Variants in PRKCB observed in about 807,000 individuals in gnomAD.
PRKCB encodes the protein protein kinase C beta, also known as protein kinase C beta type.
Under a neutral mutation model 81.5 loss-of-function variants are expected in PRKCB, and 13 were observed. The observed-to-expected ratio is 0.16, with a 90% confidence interval of 0.10 to 0.25. The LOEUF (loss-of-function observed/expected upper bound fraction) is 0.25, where lower values mean the gene tolerates loss of function less well. PRKCB is among the 10% of genes least tolerant of loss of function. The probability of loss-of-function intolerance (pLI) is 1.00; values close to 1 mark genes in which losing one functional copy is unlikely to be tolerated. For missense variants in PRKCB, 509 were observed against 875.7 expected (o/e 0.58, Z 5.29); for synonymous variants, 335 against 321.4 (o/e 1.04, Z -0.45).
At chr16:24,085,149 GA>G (rs11444083) in intron 5 of PRKCB, among the ~76,000 whole-genome samples, 60 of 138,140 alleles carry the variant, frequency 4.3e-4, no homozygotes, top group Admixed American at 2.0e-3. Flanking sequence ...TTGATGAAAT[GA>G]AAAAAAAAAA....
intron 7 of PRKCB, among the ~76,000 whole-genome samples, chr16:24,103,260 G>A (rs377703839): frequency 7.2e-5 from 11 of 152,254 alleles, no homozygotes; most frequent in African/African-American, 2.6e-4. Context: ...TTCCTTGAGG[G>A]CCTGCAGTTG....
chr16:23,940,761 G>A (rs548772925), intron 2 of PRKCB, among the ~76,000 whole-genome samples: 7 of 152,178 alleles, frequency 4.6e-5, no homozygotes, highest in South Asian at 2.1e-4. Context: ...ATTATAAGAC[G>A]AGATGTGCTA....
Position 24,216,236 on chromosome 16 carries a change from G to A in PRKCB, c.*1420G>A. On this transcript the variant is annotated 3_prime_UTR_variant, in exon 17 of 17. Transcript: ENST00000643927. ...GGCCAGAGCCAACGAGGATACTGGA[G>A]CCCAAAGTCAAGTTTAGAGACCAGC... 1 of 985,456 alleles carries A rather than the reference G, an allele frequency of 1.0e-6. No individual in the cohort carries two copies. Among genetic ancestry groups the A allele is most frequent in the Non-Finnish European group, 1.2e-6 (1 of 829,958 alleles). The allele number at this position is 985,456 out of a possible 1,614,324, so 61.0% of individuals were successfully genotyped here.
chr16:24,156,605 G>A (rs1162623190), intron 10 of PRKCB, among the ~76,000 whole-genome samples: 2 of 152,160 alleles, frequency 1.3e-5, no homozygotes, highest in African/African-American at 4.8e-5. Context: ...ACTGTTTTGA[G>A]TGGAAGAAGA....
chr16:24,070,387 G>T (rs1311862851), intron 5 of PRKCB, among the ~76,000 whole-genome samples: 1 of 152,124 alleles, frequency 6.6e-6, no homozygotes, highest in African/African-American at 2.4e-5. Flanking sequence ...GACCTCAAGT[G>T]ATTCGCCTGC....
At chr16:23,985,786 T>A (rs895669601) in intron 2 of PRKCB, among the ~76,000 whole-genome samples, 2 of 152,134 alleles carry the variant, frequency 1.3e-5, no homozygotes, top group Non-Finnish European at 2.9e-5. Flanking sequence ...AAAATAAGGA[T>A]AATGAGGGTG....
In PRKCB at chr16:24,218,359, C is replaced by T; in HGVS notation, c.*3543C>T. On this transcript the variant is annotated 3_prime_UTR_variant, in exon 17 of 17. Coordinates refer to ENST00000643927, the MANE Select transcript of PRKCB (RefSeq NM_002738.7). Reference sequence around the variant, plus strand: ...TGGGGGATGGAAACTCCTATAGCACCCCACAGGCTAACAGCAAGCAGGACA... The same window carrying T: ...TGGGGGATGGAAACTCCTATAGCACTCCACAGGCTAACAGCAAGCAGGACA... 2 of 985,134 alleles carry T rather than the reference C, an allele frequency of 2.0e-6. No individual in the cohort carries two copies. Among genetic ancestry groups the T allele is most frequent in the Non-Finnish European group, 2.4e-6 (2 of 829,902 alleles). The allele number at this position is 985,134 out of a possible 1,614,324, so 61.0% of individuals were successfully genotyped here.
intron 11 of PRKCB, among the ~76,000 whole-genome samples, chr16:24,173,785 C>T (rs1967484503): frequency 6.6e-6 from 1 of 152,184 alleles, no homozygotes. Context: ...TCCAGCTGCG[C>T]CATTCATTCA....
At chr16:24,146,094 G>A (rs566847454) in intron 9 of PRKCB, among the ~76,000 whole-genome samples, 2 of 152,094 alleles carry the variant, frequency 1.3e-5, no homozygotes, top group African/African-American at 2.4e-5. Flanking sequence ...GGAGTGATGC[G>A]CTTAAAAGCC....
rs377159701 is a variant in PRKCB at position 23,938,924 on chromosome 16, A to G, written c.206-49584A>G. ...CATACAAAGAAAGAAATAAAACTGT[A>G]TTTATTTGCAAACGACATGCGTATC... On this transcript the variant is annotated intron_variant, in intron 2 of 16. Coordinates refer to ENST00000643927, the MANE Select transcript of PRKCB (RefSeq NM_002738.7). 2.0e-5 allele frequency among the ~76,000 whole-genome samples: 3 copies of G among 152,356 alleles called. No individual in the cohort carries two copies. In the South Asian group the frequency reaches 6.2e-4, roughly 32 times the overall value.
chr16:24,209,321 T>C (rs1968099127), intron 16 of PRKCB, among the ~76,000 whole-genome samples: 1 of 145,720 alleles, frequency 6.9e-6, no homozygotes, highest in Non-Finnish European at 1.5e-5. Context: ...CTTTCTACAG[T>C]CCTAAGCCAC....
chr16:24,091,357 T>C (rs1439143073), intron 5 of PRKCB, among the ~76,000 whole-genome samples: 2 of 152,242 alleles, frequency 1.3e-5, no homozygotes, highest in Non-Finnish European at 2.9e-5. Flanking sequence ...TTTTAGCAGA[T>C]AGTTAGAGTC....
intron 2 of PRKCB, among the ~76,000 whole-genome samples, chr16:23,888,311 T>C (rs557627147): frequency 4.9e-4 from 74 of 152,192 alleles, no homozygotes; most frequent in Non-Finnish European, 6.8e-4. Context: ...TTGGCTCAGC[T>C]AAAGGAAGCT....
intron 16 of PRKCB, among the ~76,000 whole-genome samples, chr16:24,193,572 C>T (rs1021536686): frequency 1.6e-4 from 25 of 152,094 alleles, no homozygotes; most frequent in Non-Finnish European, 2.9e-5. Context: ...ACCTCAGCCT[C>T]CCAAAGTACT....
At chr16:24,041,407 C>CTG (rs146397261) in intron 5 of PRKCB, among the ~76,000 whole-genome samples, 2,655 of 152,272 alleles carry the variant, frequency 0.017, 76 homozygotes, top group African/African-American at 0.061. Flanking sequence ...AACATAACAA[C>CTG]TGACATCTAT....
In PRKCB at chr16:23,839,362, C is replaced by T. The variant is rs1330755002; in HGVS notation, c.205+1956C>T. Reference sequence around the variant, plus strand: ...GATCAGAGCTCACTGCAGCCTCAAACTCATGGGCTCAAGTGATCCTCCTGC... The same window carrying T: ...GATCAGAGCTCACTGCAGCCTCAAATTCATGGGCTCAAGTGATCCTCCTGC... On this transcript the variant is annotated intron_variant, in intron 2 of 16. Coordinates refer to ENST00000643927, the MANE Select transcript of PRKCB (RefSeq NM_002738.7). 2.0e-5 allele frequency among the ~76,000 whole-genome samples: 3 copies of T among 148,380 alleles called. No homozygotes were observed. In the East Asian group the frequency reaches 6.3e-4, roughly 31 times the overall value.
chr16:24,172,403 G>A (rs748498089), intron 11 of PRKCB, 42 bp downstream of exon 11: 2 of 1,558,864 alleles, frequency 1.3e-6, no homozygotes, highest in Non-Finnish European at 1.8e-6. Flanking sequence ...TGGGATAAAT[G>A]GGTAGGTTAG....
rs908344963 is a variant in PRKCB at position 24,112,521 on chromosome 16, G to C, written c.822-452G>C. Among the ~76,000 whole-genome samples the C allele has an allele frequency of 2.0e-5, 3 of 152,284 alleles. No homozygotes were observed. In the South Asian group the frequency reaches 6.2e-4, roughly 32 times the overall value. ...CTATTGCACTCCAGCCTGGGTGACA[G>C]AGTGAGACCCTATCTCTAAAAGCAA... On this transcript the variant is annotated intron_variant, in intron 7 of 16. Coordinates refer to ENST00000643927, the MANE Select transcript of PRKCB (RefSeq NM_002738.7).
chr16:24,168,716 AT>A (rs945320742), intron 10 of PRKCB, among the ~76,000 whole-genome samples: 1,182 of 74,478 alleles, frequency 0.016, 10 homozygotes, highest in African/African-American at 0.048. Context: ...ATGCCTGGCT[AT>A]TTTTTTTTTT....
Sources: gnomAD v4.1 joint callset for allele counts (sites outside exome capture counted in the v4.1 genomes callset) on GRCh38, gnomAD v4.1.1 for gene constraint, MANE v1.5 for transcripts, NCBI Gene and HGNC (gene_info 2026-07-23, HGNC 2026-07-21) for gene names.